The following NALF1 variants were observed in gnomAD, a reference collection of about 807,000 sequenced individuals.
NALF1 encodes the protein NALCN channel auxiliary factor 1, also known as family with sequence similarity 155 member A.
NALF1 carries 3 observed loss-of-function variants against 48.4 expected under a neutral mutation model. The ratio of observed to expected loss-of-function variants is 0.06; its 90% CI spans 0.03 to 0.16. The LOEUF is 0.16. NALF1 is among the 10% of genes least tolerant of loss of function. The probability of loss-of-function intolerance (pLI) is 1.00; values close to 1 mark genes in which losing one functional copy is unlikely to be tolerated. For synonymous variants in NALF1, 262 were observed against 245.7 expected (o/e 1.07, Z -0.62); for missense variants, 526 against 571.5 (o/e 0.92, Z 0.81).
At chr13:107,831,324 A>G (rs746348685) in intron 1 of NALF1, among the ~76,000 whole-genome samples, 29 of 152,186 alleles carry the variant, frequency 1.9e-4, no homozygotes, top group Admixed American at 2.6e-4. Flanking sequence ...AAAGAAATCA[A>G]TAAGATTAAA....
intron 1 of NALF1, among the ~76,000 whole-genome samples, chr13:107,359,806 G>A (rs1407172261): frequency 6.6e-6 from 1 of 151,986 alleles, no homozygotes; most frequent in Non-Finnish European, 1.5e-5. Context: ...CAGAGTGTGT[G>A]TTCCCAGACA....
chr13:107,638,052 G>T (rs61965972), intron 1 of NALF1, among the ~76,000 whole-genome samples: 27,010 of 151,432 alleles, frequency 0.18, 2,615 homozygotes, highest in Middle Eastern at 0.35. Context: ...TCATCTTCCT[G>T]AGTTCAACTT....
intron 1 of NALF1, among the ~76,000 whole-genome samples, chr13:107,622,266 T>TA (rs988951351): frequency 4.0e-5 from 6 of 151,518 alleles, no homozygotes; most frequent in Non-Finnish European, 7.4e-5. Flanking sequence ...CCGTCTCTAC[T>TA]AAAAAAACAC....
At chr13:107,489,203 G>A (rs1316748508) in intron 1 of NALF1, among the ~76,000 whole-genome samples, 2 of 152,126 alleles carry the variant, frequency 1.3e-5, no homozygotes, top group Admixed American at 6.6e-5. Flanking sequence ...TAGTCATACT[G>A]CCTAAAGCAA....
At chr13:107,653,614 T>C (rs1286396658) in intron 1 of NALF1, among the ~76,000 whole-genome samples, 1 of 151,966 alleles carries the variant, frequency 6.6e-6, no homozygotes, top group Non-Finnish European at 1.5e-5. Flanking sequence ...CTGAATAGAA[T>C]ATATTCTCTC....
chr13:107,456,576 T>A (rs1884828696), intron 1 of NALF1, among the ~76,000 whole-genome samples: 1 of 152,150 alleles, frequency 6.6e-6, no homozygotes, highest in Admixed American at 6.6e-5. Context: ...GAGAAAACTT[T>A]CCCACCCTTT....
intron 1 of NALF1, among the ~76,000 whole-genome samples, chr13:107,760,825 G>A (rs1411621871): frequency 1.3e-5 from 2 of 152,068 alleles, no homozygotes; most frequent in African/African-American, 4.8e-5. Flanking sequence ...TTCCTTGGCA[G>A]CCATTATAAC....
At chr13:107,821,308 C>T (rs1879355040) in intron 1 of NALF1, among the ~76,000 whole-genome samples, 1 of 152,222 alleles carries the variant, frequency 6.6e-6, no homozygotes, top group South Asian at 2.1e-4. Flanking sequence ...TATGCACGTA[C>T]AGCGACTTAG....
intron 1 of NALF1, among the ~76,000 whole-genome samples, chr13:107,326,005 ATG>A (rs969730381): frequency 3.4e-5 from 5 of 149,224 alleles, no homozygotes; most frequent in South Asian, 2.1e-4. Context: ...ATATATGTAT[ATG>A]TGTGTGTGTG....
intron 1 of NALF1, among the ~76,000 whole-genome samples, chr13:107,443,271 A>T (rs539691175): frequency 6.6e-6 from 1 of 152,088 alleles, no homozygotes; most frequent in Non-Finnish European, 1.5e-5. Context: ...GCTGGAGTGC[A>T]ATAGTGCAAT....
intron 1 of NALF1, among the ~76,000 whole-genome samples, chr13:107,829,125 G>C (rs571814292): frequency 2.0e-5 from 3 of 152,260 alleles, no homozygotes; most frequent in African/African-American, 7.2e-5. Context: ...CAGAAAGAAA[G>C]GCATATGAAA....
At position 107,286,220 on chromosome 13, in the gene NALF1, A is replaced by G. The variant is rs576411448; in HGVS notation, c.916-75465T>C. On this transcript the variant is annotated intron_variant, in intron 1 of 2. Transcript: ENST00000375915. ...TTGAAAATTCCTGCAAAGTTAAACA[A>G]AGAATTACCACGTGACCCTGTAATT... Among the ~76,000 whole-genome samples the G allele has an allele frequency of 8.5e-5, 13 of 152,296 alleles. No individual in the cohort carries two copies. The East Asian group carries it at 2.5e-3, about 29-fold the overall frequency.
chr13:107,441,381 A>T (rs1884558082), intron 1 of NALF1, among the ~76,000 whole-genome samples: 1 of 152,104 alleles, frequency 6.6e-6, no homozygotes, highest in Non-Finnish European at 1.5e-5. Flanking sequence ...CGTGAGGATC[A>T]TTACAGTATA....
intron 1 of NALF1, among the ~76,000 whole-genome samples, chr13:107,827,108 C>A (rs1879543272): frequency 6.6e-6 from 1 of 152,184 alleles, no homozygotes; most frequent in Non-Finnish European, 1.5e-5. Context: ...CAGTCTCTTG[C>A]ATTAGGATTT....
intron 1 of NALF1, among the ~76,000 whole-genome samples, chr13:107,467,447 T>C (rs563130568): frequency 6.6e-6 from 1 of 152,276 alleles, no homozygotes; most frequent in South Asian, 2.1e-4. Flanking sequence ...ATTCTTCCAT[T>C]TCTATGTGAA....
At chr13:107,663,050 C>A (rs564227258) in intron 1 of NALF1, among the ~76,000 whole-genome samples, 1 of 152,182 alleles carries the variant, frequency 6.6e-6, no homozygotes, top group African/African-American at 2.4e-5. Flanking sequence ...CATATAACCC[C>A]CTCCTCACTT....
At chr13:107,615,666 G>C (rs1879360255) in intron 1 of NALF1, among the ~76,000 whole-genome samples, 1 of 152,128 alleles carries the variant, frequency 6.6e-6, no homozygotes, top group Non-Finnish European at 1.5e-5. Flanking sequence ...TGTGTGCCCT[G>C]ATATAAAAAG....
At chr13:107,793,725 G>C (rs1386418499) in intron 1 of NALF1, among the ~76,000 whole-genome samples, 1 of 152,028 alleles carries the variant, frequency 6.6e-6, no homozygotes, top group Non-Finnish European at 1.5e-5. Context: ...CTCTGATTTT[G>C]GGTTATAAAG....
intron 1 of NALF1, among the ~76,000 whole-genome samples, chr13:107,607,750 C>T (rs559999813): frequency 5.9e-5 from 9 of 152,260 alleles, no homozygotes; most frequent in African/African-American, 1.9e-4. Flanking sequence ...GGGCAATTTA[C>T]TTAACTACCC....
Sources: gnomAD v4.1 joint callset for allele counts (sites outside exome capture counted in the v4.1 genomes callset) on GRCh38, gnomAD v4.1.1 for gene constraint, MANE v1.5 for transcripts, NCBI Gene and HGNC (gene_info 2026-07-23, HGNC 2026-07-21) for gene names.